The following CTNNA2 variants were observed in gnomAD, a reference collection of about 807,000 sequenced individuals.
CTNNA2 encodes catenin alpha-2.
CTNNA2 carries 42 observed loss-of-function variants against 101.0 expected under a neutral mutation model. The ratio of observed to expected loss-of-function variants is 0.42; its 90% CI spans 0.32 to 0.54. The LOEUF (loss-of-function observed/expected upper bound fraction) is 0.54. CTNNA2 is among the 20% of genes least tolerant of loss of function. The pLI is 0.14. For synonymous variants in CTNNA2, 450 were observed against 456.4 expected (o/e 0.99, Z 0.18); for missense variants, 871 against 1,223.1 (o/e 0.71, Z 4.29).
intron 7 of CTNNA2, among the ~76,000 whole-genome samples, chr2:80,125,170 G>A (rs1484618791): frequency 6.6e-6 from 1 of 152,146 alleles, no homozygotes; most frequent in Non-Finnish European, 1.5e-5. Context: ...TATATCTGGT[G>A]TCATTTGGCC....
At chr2:79,415,465 C>T (rs1678467086) in intron 4 of CTNNA2, among the ~76,000 whole-genome samples, 1 of 152,102 alleles carries the variant, frequency 6.6e-6, no homozygotes, top group Non-Finnish European at 1.5e-5. Context: ...AATACACTCC[C>T]AAAACTGATT....
At chr2:80,616,147 C>A (rs2149797543) in intron 17 of CTNNA2, among the ~76,000 whole-genome samples, 1 of 151,788 alleles carries the variant, frequency 6.6e-6, no homozygotes, top group Middle Eastern at 3.4e-3. Flanking sequence ...TGTCTCTTGA[C>A]CTCTTTCATC....
At chr2:80,198,376 G>A (rs1706979003) in intron 7 of CTNNA2, among the ~76,000 whole-genome samples, 1 of 152,204 alleles carries the variant, frequency 6.6e-6, no homozygotes, top group Admixed American at 6.5e-5. Flanking sequence ...TAATGTCTAT[G>A]AGAAGATGAA....
intron 5 of CTNNA2, among the ~76,000 whole-genome samples, chr2:79,870,285 C>G (rs1250496710): frequency 6.6e-6 from 1 of 152,170 alleles, no homozygotes; most frequent in Non-Finnish European, 1.5e-5. Flanking sequence ...CTCTGGATGT[C>G]ACCCTTTGCC....
chr2:80,385,996 TG>T (rs1343987026), intron 7 of CTNNA2, among the ~76,000 whole-genome samples: 2 of 152,164 alleles, frequency 1.3e-5, no homozygotes, highest in African/African-American at 4.8e-5. Context: ...GATGGGTTGA[TG>T]GGGGGATGAG....
chr2:79,286,931 T>A (rs1008797227), intron 2 of CTNNA2, among the ~76,000 whole-genome samples: 18 of 152,216 alleles, frequency 1.2e-4, no homozygotes, highest in Non-Finnish European at 1.8e-4. Flanking sequence ...TAGTCCCATA[T>A]TTCTTGGAGG....
intron 2 of CTNNA2, among the ~76,000 whole-genome samples, chr2:79,222,791 C>A (rs1674361723): frequency 6.6e-6 from 1 of 151,944 alleles, no homozygotes. Context: ...AGGAGGTGGG[C>A]CCTTTGGGAG....
At chr2:80,300,281 G>GTGGTGT (rs1676144755) in intron 7 of CTNNA2, among the ~76,000 whole-genome samples, 1 of 93,108 alleles carries the variant, frequency 1.1e-5, no homozygotes, top group Non-Finnish European at 2.2e-5. Flanking sequence ...GGGGTGTTGG[G>GTGGTGT]GTGTGTGTGT....
chr2:80,433,797 C>CT (rs1681769052), intron 9 of CTNNA2, among the ~76,000 whole-genome samples: 1 of 152,168 alleles, frequency 6.6e-6, no homozygotes, highest in Admixed American at 6.5e-5. Context: ...ATTCTATATG[C>CT]TTGTAGATTC....
chr2:79,430,957 C>A (rs1468189727), intron 4 of CTNNA2, among the ~76,000 whole-genome samples: 1 of 152,022 alleles, frequency 6.6e-6, no homozygotes, highest in Non-Finnish European at 1.5e-5. Context: ...TATTTTTTAT[C>A]ATTCGTGTAA....
intron 3 of CTNNA2, among the ~76,000 whole-genome samples, chr2:79,326,529 G>C (rs754040282): frequency 6.6e-6 from 1 of 151,830 alleles, no homozygotes; most frequent in Non-Finnish European, 1.5e-5. Flanking sequence ...AATATTTCAG[G>C]AGCCCCTTAA....
chr2:79,483,273 C>T (rs1036166106), intron 4 of CTNNA2, among the ~76,000 whole-genome samples: 13 of 152,202 alleles, frequency 8.5e-5, no homozygotes, highest in African/African-American at 2.7e-4. Context: ...TTTGCCAAAG[C>T]GAGTGCCCTC....
intron 2 of CTNNA2, among the ~76,000 whole-genome samples, chr2:79,257,880 G>A (rs556839142): frequency 1.3e-5 from 2 of 152,070 alleles, no homozygotes; most frequent in South Asian, 4.2e-4. Context: ...ATGTCAGCAG[G>A]ACAATGCTCC....
chr2:79,281,342 C>T (rs1675376849), intron 2 of CTNNA2: 1 of 152,188 alleles, frequency 6.6e-6, no homozygotes, highest in Non-Finnish European at 1.5e-5. Context: ...CATTCCTACC[C>T]ACAGATCCTC....
chr2:80,240,244 A>G lies in CTNNA2; in HGVS notation c.1057-152967A>G, dbSNP rs183940575. On this transcript the variant is annotated intron_variant, in intron 7 of 18. Coordinates refer to ENST00000402739, the MANE Select transcript of CTNNA2 (RefSeq NM_001282597.3). Reference sequence around the variant, plus strand: ...TCTAAGTGGTGACTCTAAGACACACATGAAATAATGATCAACAACATAAGT... The same window carrying G: ...TCTAAGTGGTGACTCTAAGACACACGTGAAATAATGATCAACAACATAAGT... 7.4e-4 allele frequency among the ~76,000 whole-genome samples: 113 copies of G among 152,368 alleles called. 1 individual carries two copies. Among genetic ancestry groups the G allele is most frequent in the African/African-American group, 2.6e-3 (109 of 41,588 alleles).
intron 9 of CTNNA2, among the ~76,000 whole-genome samples, chr2:80,477,727 ATGTG>A (rs35938297): frequency 0.089 from 12,737 of 143,712 alleles, 562 homozygotes; most frequent in South Asian, 0.2. Flanking sequence ...CATGGTGTGA[ATGTG>A]TGTGTGTGTG....
At chr2:79,799,129 C>T (rs1278534951) in intron 3 of CTNNA2, among the ~76,000 whole-genome samples, 4 of 151,734 alleles carry the variant, frequency 2.6e-5, no homozygotes, top group South Asian at 2.1e-4. Flanking sequence ...AAAGTAAAGT[C>T]GATGTTTTGT....
chr2:80,385,603 A>G (rs1676924238), intron 7 of CTNNA2, among the ~76,000 whole-genome samples: 1 of 152,148 alleles, frequency 6.6e-6, no homozygotes, highest in African/African-American at 2.4e-5. Flanking sequence ...TTTGACTCCA[A>G]AAGCTGACTT....
intron 7 of CTNNA2, among the ~76,000 whole-genome samples, chr2:80,170,170 C>A (rs985714531): frequency 6.6e-6 from 1 of 151,828 alleles, no homozygotes; most frequent in Admixed American, 6.6e-5. Context: ...CATTTTCCAA[C>A]TCTTAGTTCT....
Sources: gnomAD v4.1 joint callset for allele counts (sites outside exome capture counted in the v4.1 genomes callset) on GRCh38, gnomAD v4.1.1 for gene constraint, MANE v1.5 for transcripts, NCBI Gene and HGNC (gene_info 2026-07-23, HGNC 2026-07-21) for gene names.